DOCK8: variants seen among roughly 807,000 people sequenced by gnomAD.
DOCK8 encodes the protein dedicator of cytokinesis 8.
In DOCK8, 141 loss-of-function variants were observed where a neutral mutation model predicts 245.6. That is an observed-to-expected ratio of 0.57 (90% CI 0.50 to 0.66). The LOEUF (loss-of-function observed/expected upper bound fraction) is 0.66, where lower values mean the gene tolerates loss of function less well. Among genes scored for constraint, DOCK8 ranks in the 30% least tolerant of loss-of-function variants. DOCK8 has a pLI of 0.00. For synonymous variants in DOCK8, 1,168 were observed against 970.2 expected (o/e 1.20, Z -3.79); for missense variants, 2,965 against 2,603.4 (o/e 1.14, Z -3.02).
In DOCK8 at chr9:228,377, GA is replaced by G. The variant is rs536674670; in HGVS notation, c.53+13349del. ...AACAATAAGTAAAATATTCTATTTAGATACTTTTTACAGGAGATTTTGAAAC... is the reference window on the plus strand; with the variant it reads ...AACAATAAGTAAAATATTCTATTTAGTACTTTTTACAGGAGATTTTGAAAC... On this transcript the variant is annotated intron_variant, in intron 1 of 47. Coordinates refer to ENST00000432829, the MANE Select transcript of DOCK8 (RefSeq NM_203447.4). Among the ~76,000 whole-genome samples the G allele has an allele frequency of 1.2e-3, 176 of 152,182 alleles. 1 individual carries two copies. The highest frequency in any genetic ancestry group is 0.01 in the Middle Eastern group (3 of 294).
intron 1 of DOCK8, among the ~76,000 whole-genome samples, chr9:246,313 G>A (rs1043290290): frequency 8.5e-5 from 13 of 152,086 alleles, no homozygotes; most frequent in African/African-American, 3.1e-4. Flanking sequence ...GAAGCCAGGA[G>A]TTTGAGACCA....
chr9:380,992 G>A (rs532920680), intron 21 of DOCK8: 3 of 152,760 alleles, frequency 2.0e-5, no homozygotes, highest in African/African-American at 4.8e-5. Context: ...CAGCTACTCA[G>A]GAAGAAGCTG....
chr9:337,468 T>A (rs1016915387), intron 12 of DOCK8, among the ~76,000 whole-genome samples: 9 of 152,218 alleles, frequency 5.9e-5, no homozygotes, highest in Non-Finnish European at 1.2e-4. Flanking sequence ...CATTATGCTA[T>A]GACAACAGTC....
chr9:359,953 T>G (rs939048754), intron 14 of DOCK8, among the ~76,000 whole-genome samples: 2 of 152,162 alleles, frequency 1.3e-5, no homozygotes, highest in African/African-American at 4.8e-5. Flanking sequence ...TTCATTGGTG[T>G]TGTATCAGAA....
chr9:402,398 G>T (rs2055153707), intron 26 of DOCK8, among the ~76,000 whole-genome samples: 1 of 151,658 alleles, frequency 6.6e-6, no homozygotes, highest in Non-Finnish European at 1.5e-5. Flanking sequence ...AGCCTTTGAG[G>T]CATTCATTTC....
intron 1 of DOCK8, among the ~76,000 whole-genome samples, chr9:271,292 C>T (rs758809153): frequency 6.6e-6 from 1 of 152,202 alleles, no homozygotes; most frequent in African/African-American, 2.4e-5. Flanking sequence ...CAGACATCCT[C>T]ACATAGAGAA....
intron 1 of DOCK8, among the ~76,000 whole-genome samples, chr9:225,259 CAGAG>C (rs1412133882): frequency 6.6e-6 from 1 of 151,982 alleles, no homozygotes; most frequent in African/African-American, 2.4e-5. Context: ...GACAAAAACT[CAGAG>C]AGAGAGAAGC....
At chr9:327,319 C>T (rs1381215186) in intron 8 of DOCK8, among the ~76,000 whole-genome samples, 1 of 151,770 alleles carries the variant, frequency 6.6e-6, no homozygotes. Context: ...TTCCACAGTG[C>T]TTCTTTGTAT....
At chr9:451,634 CAAAA>C (rs972148038) in intron 45 of DOCK8, among the ~76,000 whole-genome samples, 5 of 151,810 alleles carry the variant, frequency 3.3e-5, no homozygotes, top group African/African-American at 1.2e-4. Context: ...AAAACAAAAA[CAAAA>C]CACACACACA....
chr9:302,163 T>A (rs182852411), intron 4 of DOCK8, among the ~76,000 whole-genome samples: 1 of 152,026 alleles, frequency 6.6e-6, no homozygotes, highest in African/African-American at 2.4e-5. Flanking sequence ...CGTAGACCAA[T>A]AGAACAAGAT....
At chr9:377,258 C>T (rs377281808) in intron 20 of DOCK8, 47 bp downstream of exon 20, 4 of 1,487,016 alleles carry the variant, frequency 2.7e-6, no homozygotes, top group Non-Finnish European at 3.6e-6. Flanking sequence ...AGCAAGCAAG[C>T]ATTGCCTTCT....
At chr9:250,342 G>T (rs907171209) in intron 1 of DOCK8, among the ~76,000 whole-genome samples, 1 of 152,146 alleles carries the variant, frequency 6.6e-6, no homozygotes, top group African/African-American at 2.4e-5. Context: ...GAGTCAAAGG[G>T]GGTGGTTTTG....
At chr9:391,821 C>CTTTTTTTTTTTTTTTT (rs373810616) in intron 24 of DOCK8, among the ~76,000 whole-genome samples, 1 of 116,310 alleles carries the variant, frequency 8.6e-6, no homozygotes, top group Non-Finnish European at 1.8e-5. Flanking sequence ...TTAAGTGAAT[C>CTTTTTTTTTTTTTTTT]TTTTTTTTTT....
chr9:227,394 TGTTGAAGGTGATGTG>T (rs1207881082), intron 1 of DOCK8, among the ~76,000 whole-genome samples: 2 of 152,202 alleles, frequency 1.3e-5, no homozygotes, highest in Non-Finnish European at 2.9e-5. Flanking sequence ...ACTTTTCACC[TGTTGAAGGTGATGTG>T]GTCACTTGGA....
intron 26 of DOCK8, among the ~76,000 whole-genome samples, chr9:401,539 C>A (rs1413188101): frequency 6.6e-6 from 1 of 152,146 alleles, no homozygotes; most frequent in Non-Finnish European, 1.5e-5. Flanking sequence ...TAGGAAACAG[C>A]TGTCCATCGA....
rs569157637 is a variant in DOCK8 at position 376,409 on chromosome 9, A to G, written c.2205+104A>G. ...TGAAAATCCTTGTCTACAGATAAAT[A>G]AAAAATAACCCTTTAGTTCTTTGTG... On this transcript the variant is annotated intron_variant, in intron 19 of 47. Transcript: ENST00000432829. 7.2e-5 allele frequency: 63 copies of G among 874,052 alleles called. No homozygotes were observed. The South Asian group carries it at 7.9e-4, about 11-fold the overall frequency. The allele number at this position is 874,052 out of a possible 1,614,324, so 54.1% of individuals were successfully genotyped here. A position where few individuals can be genotyped will look rare whatever the true frequency, so the allele number is the denominator to read the frequency against.
chr9:256,446 G>T (rs1468124887), intron 1 of DOCK8, among the ~76,000 whole-genome samples: 1 of 152,194 alleles, frequency 6.6e-6, no homozygotes, highest in African/African-American at 2.4e-5. Flanking sequence ...TAAAATGAGG[G>T]TAGTACTTAT....
upstream of DOCK8, chr9:214,408 G>A (rs2046682460): frequency 1.1e-5 from 13 of 1,187,662 alleles, no homozygotes; most frequent in Non-Finnish European, 1.4e-5. Flanking sequence ...CATATTGCTT[G>A]CAAAAGTTGA....
chr9:362,145 A>G (rs973437201), intron 14 of DOCK8, among the ~76,000 whole-genome samples: 1 of 152,198 alleles, frequency 6.6e-6, no homozygotes, highest in African/African-American at 2.4e-5. Context: ...TTGGTCCTCC[A>G]TGTTCTCCTT....
Sources: allele counts gnomAD v4.1 joint callset (sites outside exome capture counted in the v4.1 genomes callset), GRCh38; gene constraint gnomAD v4.1.1; transcripts MANE v1.5; gene names NCBI Gene and HGNC (gene_info 2026-07-23, HGNC 2026-07-21).